MEST: variants seen among roughly 807,000 people sequenced by gnomAD.
The protein encoded by MEST is mesoderm specific transcript.
Under a neutral mutation model 50.9 loss-of-function variants are expected in MEST, and 18 were observed. The ratio of observed to expected loss-of-function variants is 0.35; its 90% CI spans 0.24 to 0.52. The LOEUF (loss-of-function observed/expected upper bound fraction) is 0.52, where lower values mean the gene tolerates loss of function less well. Among genes scored for constraint, MEST ranks in the 20% least tolerant of loss-of-function variants. The probability of loss-of-function intolerance (pLI) is 0.94; values close to 1 mark genes in which losing one functional copy is unlikely to be tolerated. For missense variants in MEST, 282 were observed against 425.3 expected, an observed-to-expected ratio of 0.66 and a Z score of 2.96; for synonymous variants, 130 against 154.1, an observed-to-expected ratio of 0.84 and a Z score of 1.16.
At position 130,505,028 on chromosome 7, in the gene MEST, C is replaced by A; in HGVS notation, c.980C>A (p.Ala327Glu). The part of the protein sequence containing the change: ...QLEDPMGFLN[A>E]YMGFINSF Reference sequence around the variant, plus strand: ...GAGGATCCCATGGGCTTCTTGAATGCATATATGGGCTTCATCAACTCCTTC... The same window carrying A: ...GAGGATCCCATGGGCTTCTTGAATGAATATATGGGCTTCATCAACTCCTTC... The change falls in exon 12 of 12, where the codon GCA becomes GAA. Residue 327 changes from alanine to glutamate, a missense_variant. By Grantham distance (107) the Ala-to-Glu change is moderately radical. Transcript: ENST00000223215. 6.2e-7 allele frequency: 1 copy of A among 1,613,374 alleles called. No individual in the cohort carries two copies. Among genetic ancestry groups the A allele is most frequent in the Non-Finnish European group, 8.5e-7 (1 of 1,179,410 alleles).
chr7:130,489,008 A>G (rs1029298151), upstream of MEST: 1 of 152,144 alleles, frequency 6.6e-6, no homozygotes, highest in Non-Finnish European at 1.5e-5. Flanking sequence ...GTTGATTTGA[A>G]TCTACAATGA....
intron 11 of MEST, 66 bp downstream of exon 11, chr7:130,504,062 G>C: frequency 1.5e-6 from 2 of 1,308,366 alleles, no homozygotes; most frequent in Non-Finnish European, 1.1e-6. Context: ...AAACAGAATT[G>C]CCTGTTGAGG....
At chr7:130,495,778 G>GTTGTT (rs1554436768) in intron 2 of MEST, 5 of 189,700 alleles carry the variant, frequency 2.6e-5, no homozygotes, top group South Asian at 1.3e-4. Flanking sequence ...TCCAATATTA[G>GTTGTT]TTTTTTTTTT....
chr7:130,498,312 G>T, intron 5 of MEST, 37 bp downstream of exon 5: 1 of 1,612,606 alleles, frequency 6.2e-7, no homozygotes, highest in Non-Finnish European at 8.5e-7. Flanking sequence ...ATGATGCTAG[G>T]AAAGTACATT....
Position 130,493,529 on chromosome 7 carries a change from C to T in MEST, c.26+1190C>T, listed in dbSNP as rs1202338862. 2.0e-5 allele frequency among the ~76,000 whole-genome samples: 3 copies of T among 152,056 alleles called. No individual in the cohort carries two copies. In the South Asian group the frequency reaches 6.2e-4, roughly 31 times the overall value. On this transcript the variant is annotated intron_variant, in intron 1 of 11. Transcript: ENST00000223215. Reference sequence around the variant, plus strand: ...GAGGTAATAAGACAAAAAATGGCCCCCTGAGAGGTTGCCTCTTTGCTTTCT... The same window carrying T: ...GAGGTAATAAGACAAAAAATGGCCCTCTGAGAGGTTGCCTCTTTGCTTTCT...
rs1554435709 is a variant in MEST, at chr7:130,492,652, C to G, written c.26+313C>G. On this transcript the variant is annotated intron_variant, in intron 1 of 11. Coordinates refer to ENST00000223215, the MANE Select transcript of MEST (RefSeq NM_002402.4). This position sits in a 1 kb window ranked among gnomAD's most constrained non-coding sequence, Gnocchi z 7.6. ...ACTTAGGATCCATAATGACCCTGGT[C>G]TCACCCTGATGCGAATTGGGATTTT... 4 of 307,594 alleles carry G rather than the reference C, an allele frequency of 1.3e-5. No homozygotes were observed. Among genetic ancestry groups the G allele is most frequent in the African/African-American group, 8.6e-5 (4 of 46,312 alleles). The allele number at this position is 307,594 out of a possible 1,614,324, so 19.1% of individuals were successfully genotyped here. A position where few individuals can be genotyped will look rare whatever the true frequency, so the allele number is the denominator to read the frequency against.
chr7:130,496,640 T>C (rs1335796115), intron 2 of MEST: 2 of 165,566 alleles, frequency 1.2e-5, no homozygotes, highest in Non-Finnish European at 2.6e-5. Context: ...TGTAATAGTT[T>C]TATTATGTTT....
Position 130,498,029 on chromosome 7 carries a change from GTGGGGCTGGTGA to G in MEST, c.339+22_339+33del. On this transcript the variant is annotated intron_variant, in intron 4 of 11. Transcript: ENST00000223215. ...TGACAAACCGGTAAGCAGCACCTAT[GTGGGGCTGGTGA>G]TGGGGTGTGGGGGCAGACGCAGACT... 1.2e-6 allele frequency: 2 copies of G among 1,614,114 alleles called. No individual in the cohort carries two copies. The highest frequency in any genetic ancestry group is 1.7e-6 in the Non-Finnish European group (2 of 1,179,938).
intron 1 of MEST, among the ~76,000 whole-genome samples, chr7:130,495,111 G>A (rs1554436454): frequency 6.6e-6 from 1 of 152,092 alleles, no homozygotes; most frequent in Admixed American, 6.5e-5. Flanking sequence ...GGTTAAAGTC[G>A]GGGAGCAGAG....
Position 130,500,647 on chromosome 7 carries a change from T to C in MEST, c.647+115T>C. ...ATTTTAAAGCAAAGGTGTTGGCCGC[T>C]TGCCAGGGAAGTAGAAGGAATTCAT... On this transcript the variant is annotated intron_variant, in intron 8 of 11. Transcript: ENST00000223215. The surrounding 1 kb of genome is among the most constrained non-coding windows in gnomAD (Gnocchi z 5.0). 7.9e-7 allele frequency: 1 copy of C among 1,273,422 alleles called. No homozygotes were observed. The highest frequency in any genetic ancestry group is 1.1e-6 in the Non-Finnish European group (1 of 906,082). The allele number at this position is 1,273,422 out of a possible 1,614,324, so 78.9% of individuals were successfully genotyped here. A position where few individuals can be genotyped will look rare whatever the true frequency, so the allele number is the denominator to read the frequency against.
chr7:130,505,921 CTT>C lies in MEST; in HGVS notation c.*866_*867del, dbSNP rs1799461310. On this transcript the variant is annotated 3_prime_UTR_variant, in exon 12 of 12. Coordinates refer to ENST00000223215, the MANE Select transcript of MEST (RefSeq NM_002402.4). ...CCTCAGTGGTTAGAAGCATGTCTCT[CTT>C]GAGCTACAGTAGAGGGGAAGGGATT... 6.6e-6 allele frequency: 1 copy of C among 152,332 alleles called. No individual in the cohort carries two copies. Among genetic ancestry groups the C allele is most frequent in the Admixed American group, 6.5e-5 (1 of 15,278 alleles). 9.4% of individuals were successfully genotyped at this position (152,332 alleles called of 1,614,324 possible).
upstream of MEST, chr7:130,491,116 AAC>A (rs1322796127): frequency 2.0e-5 from 3 of 152,276 alleles, no homozygotes; most frequent in Admixed American, 2.0e-4. This position sits in a 1 kb window ranked among gnomAD's most constrained non-coding sequence, Gnocchi z 6.8. Context: ...TCAGAAAATG[AAC>A]ACAGACACTT....
At chr7:130,502,099 G>C (rs936629239) in intron 9 of MEST, among the ~76,000 whole-genome samples, 1 of 152,148 alleles carries the variant, frequency 6.6e-6, no homozygotes, top group Non-Finnish European at 1.5e-5. Flanking sequence ...GCACATGCCT[G>C]TACTCCCAGC....
At chr7:130,502,956 C>T (rs1422149134) in intron 10 of MEST, among the ~76,000 whole-genome samples, 2 of 152,102 alleles carry the variant, frequency 1.3e-5, no homozygotes, top group Non-Finnish European at 2.9e-5. Context: ...TTCAAATTTT[C>T]TGGGTATCCT....
In MEST at chr7:130,506,417, T is replaced by C. The variant is rs1584955692; in HGVS notation, c.*1361T>C. Reference sequence around the variant, plus strand: ...GAAGTTAAGCAGCTGGAGTATAGGATAGTATTTGATTTTCAAGATCACCCA... The same window carrying C: ...GAAGTTAAGCAGCTGGAGTATAGGACAGTATTTGATTTTCAAGATCACCCA... On this transcript the variant is annotated 3_prime_UTR_variant, in exon 12 of 12. Coordinates refer to ENST00000223215, the MANE Select transcript of MEST (RefSeq NM_002402.4). The C allele has an allele frequency of 5.6e-6, 1 of 177,496 alleles. No homozygotes were observed. Among genetic ancestry groups the C allele is most frequent in the Non-Finnish European group, 1.1e-5 (1 of 91,176 alleles). 11.0% of individuals were successfully genotyped at this position (177,496 alleles called of 1,614,324 possible).
intron 11 of MEST, 76 bp from the exon 12 acceptor site, chr7:130,504,863 T>G (rs1229753566): frequency 9.2e-7 from 1 of 1,089,768 alleles, no homozygotes; most frequent in South Asian, 1.3e-5. Flanking sequence ...CAGGGTCATT[T>G]ACTGGGGCTT....
chr7:130,487,508 G>T (rs1554434036), upstream of MEST: 1 of 152,164 alleles, frequency 6.6e-6, no homozygotes, highest in Non-Finnish European at 1.5e-5. Flanking sequence ...TCTTATTTGG[G>T]TAAGAGATTA....
At chr7:130,489,297 T>A (rs1798715055), upstream of MEST, 1 of 152,180 alleles carries the variant, frequency 6.6e-6, no homozygotes. Flanking sequence ...GCTGAGGGAG[T>A]ACTACTGCAT....
rs1554435702 is a variant in MEST, at chr7:130,492,612, C to T, written c.26+273C>T. The T allele has an allele frequency of 2.0e-5, 7 of 355,302 alleles. No individual in the cohort carries two copies. The highest frequency in any genetic ancestry group is 3.5e-5 in the Non-Finnish European group (7 of 198,682). 22.0% of individuals were successfully genotyped at this position (355,302 alleles called of 1,614,324 possible). A position where few individuals can be genotyped will look rare whatever the true frequency, so the allele number is the denominator to read the frequency against. On this transcript the variant is annotated intron_variant, in intron 1 of 11. Coordinates refer to ENST00000223215, the MANE Select transcript of MEST (RefSeq NM_002402.4). This position sits in a 1 kb window ranked among gnomAD's most constrained non-coding sequence, Gnocchi z 7.6. Reference sequence around the variant, plus strand: ...GAGATTTAGGATTTCTGGACCCCAGCGTCATCTTGATATGACTTAGGATCC... The same window carrying T: ...GAGATTTAGGATTTCTGGACCCCAGTGTCATCTTGATATGACTTAGGATCC...
Sources: allele counts gnomAD v4.1 joint callset (sites outside exome capture counted in the v4.1 genomes callset), GRCh38; gene constraint gnomAD v4.1.1; non-coding constraint Gnocchi (gnomAD v3.1); transcripts MANE v1.5; gene names NCBI Gene and HGNC (gene_info 2026-07-23, HGNC 2026-07-21).